The following CNTN5 variants were observed in gnomAD, a reference collection of about 807,000 sequenced individuals.
The protein encoded by CNTN5 is contactin-5.
CNTN5 carries 77 observed loss-of-function variants against 129.1 expected under a neutral mutation model. The observed-to-expected ratio is 0.60, with a 90% CI of 0.50 to 0.72. The LOEUF is 0.72. Among genes scored for constraint, CNTN5 ranks in the 30% least tolerant of loss-of-function variants. The pLI, the probability that CNTN5 is intolerant of heterozygous loss-of-function variation, is 0.00. For synonymous variants in CNTN5, 509 were observed against 465.6 expected (o/e 1.09, Z -1.20); for missense variants, 1,478 against 1,328.8 (o/e 1.11, Z -1.75).
At chr11:99,406,629 T>C (rs1462432196) in intron 2 of CNTN5, among the ~76,000 whole-genome samples, 3 of 152,232 alleles carry the variant, frequency 2.0e-5, no homozygotes, top group East Asian at 1.9e-4. Flanking sequence ...CCTATGTCCT[T>C]CCCTTTAAAA....
chr11:100,207,201 G>A (rs1326231876), intron 15 of CNTN5, among the ~76,000 whole-genome samples: 1 of 152,088 alleles, frequency 6.6e-6, no homozygotes, highest in Non-Finnish European at 1.5e-5. Flanking sequence ...TTATACTGAT[G>A]AGAGAAATAA....
At chr11:100,316,496 T>C (rs1211944828) in intron 21 of CNTN5, among the ~76,000 whole-genome samples, 1 of 152,212 alleles carries the variant, frequency 6.6e-6, no homozygotes, top group East Asian at 1.9e-4. Flanking sequence ...ATCCTGATCC[T>C]CTGAAGAAAC....
intron 16 of CNTN5, among the ~76,000 whole-genome samples, chr11:100,229,843 A>C (rs1365341988): frequency 1.5e-4 from 23 of 152,190 alleles, no homozygotes; most frequent in Admixed American, 1.5e-3. Context: ...ACATCTTTGG[A>C]GCATAGAGGT....
chr11:99,361,258 C>T (rs1385767249), intron 2 of CNTN5, among the ~76,000 whole-genome samples: 1 of 152,106 alleles, frequency 6.6e-6, no homozygotes, highest in African/African-American at 2.4e-5. Flanking sequence ...ACCTTTAATG[C>T]TCCATTCACT....
intron 1 of CNTN5, among the ~76,000 whole-genome samples, chr11:99,088,916 A>G (rs909646939): frequency 2.6e-5 from 4 of 152,208 alleles, no homozygotes; most frequent in African/African-American, 4.8e-5. Flanking sequence ...TATGTTATAC[A>G]CAAAAGAAAT....
chr11:99,940,301 GCTTTTA>G (rs1950406783), intron 7 of CNTN5, among the ~76,000 whole-genome samples: 1 of 152,058 alleles, frequency 6.6e-6, no homozygotes, highest in Non-Finnish European at 1.5e-5. Context: ...GTGCTCTTTA[GCTTTTA>G]GATCCTCCAA....
At chr11:100,136,429 AG>A (rs1019358843) in intron 13 of CNTN5, among the ~76,000 whole-genome samples, 1 of 152,232 alleles carries the variant, frequency 6.6e-6, no homozygotes, top group Non-Finnish European at 1.5e-5. Context: ...ATTTAGTTTG[AG>A]GAATTAAAAT....
At chr11:99,046,241 G>A (rs535606315) in intron 1 of CNTN5, among the ~76,000 whole-genome samples, 10 of 152,224 alleles carry the variant, frequency 6.6e-5, no homozygotes, top group African/African-American at 2.4e-4. Flanking sequence ...TTGGGAGGCT[G>A]ATGCCTGAGA....
At chr11:100,229,849 G>C (rs1047157105) in intron 16 of CNTN5, among the ~76,000 whole-genome samples, 1 of 152,182 alleles carries the variant, frequency 6.6e-6, no homozygotes, top group African/African-American at 2.4e-5. Flanking sequence ...TTGGAGCATA[G>C]AGGTTGCGTA....
At chr11:100,333,882 T>A (rs1429074211) in intron 21 of CNTN5, among the ~76,000 whole-genome samples, 3 of 152,076 alleles carry the variant, frequency 2.0e-5, no homozygotes, top group Admixed American at 2.0e-4. Flanking sequence ...AGGCAAATAC[T>A]TCATGACCAA....
intron 2 of CNTN5, among the ~76,000 whole-genome samples, chr11:99,395,311 T>A (rs1014980862): frequency 6.6e-6 from 1 of 151,996 alleles, no homozygotes; most frequent in Non-Finnish European, 1.5e-5. Flanking sequence ...GCTTTTTTTA[T>A]ATGATTGTTG....
At chr11:99,268,749 A>G (rs985123313) in intron 1 of CNTN5, among the ~76,000 whole-genome samples, 1 of 152,034 alleles carries the variant, frequency 6.6e-6, no homozygotes, top group Non-Finnish European at 1.5e-5. Flanking sequence ...ATATGAAATA[A>G]AGGCTTAGAG....
At chr11:99,032,595 C>T (rs1863452821) in intron 1 of CNTN5, among the ~76,000 whole-genome samples, 1 of 152,162 alleles carries the variant, frequency 6.6e-6, no homozygotes, top group African/African-American at 2.4e-5. Context: ...ATGTCCTTCA[C>T]CCACTTTTTG....
chr11:99,966,125 TA>T (rs928281953), intron 8 of CNTN5, among the ~76,000 whole-genome samples: 114 of 152,088 alleles, frequency 7.5e-4, no homozygotes, highest in Non-Finnish European at 1.2e-3. Context: ...TAGAGCTGGC[TA>T]AAAAAAATCA....
chr11:100,017,411 T>C (rs1245749950), intron 9 of CNTN5, among the ~76,000 whole-genome samples: 2 of 152,028 alleles, frequency 1.3e-5, no homozygotes, highest in African/African-American at 4.8e-5. Context: ...CACTCAATGT[T>C]GTGTTGTAGT....
chr11:99,448,381 G>A (rs1342462269), intron 2 of CNTN5, among the ~76,000 whole-genome samples: 2 of 152,152 alleles, frequency 1.3e-5, no homozygotes, highest in African/African-American at 2.4e-5. Context: ...ACATTCTGCT[G>A]CTATTAGCTA....
intron 7 of CNTN5, among the ~76,000 whole-genome samples, chr11:99,948,743 T>A (rs1487029944): frequency 6.6e-6 from 1 of 152,226 alleles, no homozygotes; most frequent in Non-Finnish European, 1.5e-5. Context: ...GCACACTGCC[T>A]GGCACATTCT....
At chr11:100,191,289 T>A in intron 14 of CNTN5, 36 bp downstream of exon 14, 1 of 1,567,992 alleles carries the variant, frequency 6.4e-7, no homozygotes, top group South Asian at 1.2e-5. Flanking sequence ...ACAAGCATAG[T>A]CTCATGGTCT....
At chr11:99,519,271 C>G (rs1301022999) in intron 2 of CNTN5, among the ~76,000 whole-genome samples, 1 of 152,040 alleles carries the variant, frequency 6.6e-6, no homozygotes, top group Non-Finnish European at 1.5e-5. Flanking sequence ...TATAGAAGCC[C>G]TCTTTGATCT....
Sources: gnomAD v4.1 joint callset for allele counts (sites outside exome capture counted in the v4.1 genomes callset) on GRCh38, gnomAD v4.1.1 for gene constraint, MANE v1.5 for transcripts, NCBI Gene and HGNC (gene_info 2026-07-23, HGNC 2026-07-21) for gene names.